RBAK: variants seen among roughly 807,000 people sequenced by gnomAD.
RBAK encodes RB associated KRAB zinc finger, also known as RB-associated KRAB zinc finger protein.
RBAK carries 39 observed loss-of-function variants against 65.8 expected under a neutral mutation model. The ratio of observed to expected loss-of-function variants is 0.59; its 90% CI spans 0.46 to 0.77. The LOEUF (loss-of-function observed/expected upper bound fraction) is 0.77, where lower values mean the gene tolerates loss of function less well. RBAK is among the 30% of genes least tolerant of loss of function. The probability of loss-of-function intolerance (pLI) is 0.00; values close to 1 mark genes in which losing one functional copy is unlikely to be tolerated. For missense variants in RBAK, 884 were observed against 855.1 expected (o/e 1.03, Z -0.42); for synonymous variants, 343 against 289.7 (o/e 1.18, Z -1.87).
In RBAK at chr7:5,052,436, CTTTG is replaced by C. The variant is rs1294354262; in HGVS notation, c.15+4351_15+4354del. ...TCTTCTTTGTTTCTTTTTAAAATGT[CTTTG>C]TTTGTCTTCCTTCCTCTTGATTAAT... On this transcript the variant is annotated intron_variant, in intron 2 of 4. Transcript: ENST00000396912. 3.3e-4 allele frequency among the ~76,000 whole-genome samples: 51 copies of C among 152,240 alleles called. No homozygotes were observed. The East Asian group carries it at 4.2e-3, about 13-fold the overall frequency.
Position 5,046,217 on chromosome 7 carries a change from G to A in RBAK, c.-224G>A. 2.0e-6 allele frequency: 1 copy of A among 499,486 alleles called. No homozygotes were observed. The highest frequency in any genetic ancestry group is 4.0e-6 in the Non-Finnish European group (1 of 252,000). The allele number at this position is 499,486 out of a possible 1,614,324, so 30.9% of individuals were successfully genotyped here. A position where few individuals can be genotyped will look rare whatever the true frequency, so the allele number is the denominator to read the frequency against. On this transcript the variant is annotated 5_prime_UTR_variant, in exon 1 of 5. Transcript: ENST00000396912. ...GGTGAGCCCGAGGGAGGCGGATCTG[G>A]GTCCCGGGAAGGACACCCGCCTGGA...
chr7:5,066,688 CTT>C lies in RBAK; in HGVS notation c.*1088_*1089del, dbSNP rs1472756646. 4 of 152,154 alleles carry C rather than the reference CTT, an allele frequency of 2.6e-5. No homozygotes were observed. The highest frequency in any genetic ancestry group is 4.4e-5 in the Non-Finnish European group (3 of 67,984). 9.4% of individuals were successfully genotyped at this position (152,154 alleles called of 1,614,324 possible). On this transcript the variant is annotated 3_prime_UTR_variant, in exon 5 of 5. Coordinates refer to ENST00000396912, the MANE Select transcript of RBAK (RefSeq NM_021163.4). ...TAGCAGATATTTTTTGATCAATTAACTTAATGTCCTCGCTCCATTTCTTGCTG... is the reference window on the plus strand; with the variant it reads ...TAGCAGATATTTTTTGATCAATTAACAATGTCCTCGCTCCATTTCTTGCTG...
rs113858201 is a variant in RBAK at position 5,051,969 on chromosome 7, A to C, written c.15+3878A>C. 9.9e-5 allele frequency among the ~76,000 whole-genome samples: 15 copies of C among 152,232 alleles called. No homozygotes were observed. In the East Asian group the frequency reaches 2.9e-3, roughly 29 times the overall value. ...GTTGATTGTGTGCCTACTTGTATCAATTGTTGGGGAGAGGGGATTGAAATC... is the reference window on the plus strand; with the variant it reads ...GTTGATTGTGTGCCTACTTGTATCACTTGTTGGGGAGAGGGGATTGAAATC... On this transcript the variant is annotated intron_variant, in intron 2 of 4. Coordinates refer to ENST00000396912, the MANE Select transcript of RBAK (RefSeq NM_021163.4).
rs182032140 is a variant in RBAK at position 5,051,237 on chromosome 7, G to A, written c.15+3146G>A. 1.1e-3 allele frequency among the ~76,000 whole-genome samples: 162 copies of A among 152,094 alleles called. 3 individuals carry two copies. The highest frequency in any genetic ancestry group is 0.01 in the Admixed American group (154 of 15,290). On this transcript the variant is annotated intron_variant, in intron 2 of 4. Transcript: ENST00000396912. The stretch of plus-strand genomic sequence containing the variant: ...TTTCAAATTTTCAGAAAAATTGCAC[G>A]GATTTTACAAAGAAATCCCAGCTAC...
At position 5,068,331 on chromosome 7, in the gene RBAK, T is replaced by C. The variant is rs1779270416; in HGVS notation, c.*2730T>C. Reference sequence around the variant, plus strand: ...GTGGCAGTCTGGATTTGGTCTGCACTCATAGTTTTCTGGTCCCTGATCTCG... The same window carrying C: ...GTGGCAGTCTGGATTTGGTCTGCACCCATAGTTTTCTGGTCCCTGATCTCG... On this transcript the variant is annotated 3_prime_UTR_variant, in exon 5 of 5. Coordinates refer to ENST00000396912, the MANE Select transcript of RBAK (RefSeq NM_021163.4). 6.6e-6 allele frequency: 1 copy of C among 152,100 alleles called. No homozygotes were observed. Among genetic ancestry groups the C allele is most frequent in the African/African-American group, 2.4e-5 (1 of 41,442 alleles). The allele number at this position is 152,100 out of a possible 1,614,324, so 9.4% of individuals were successfully genotyped here.
chr7:5,063,477 CTGTGTG>C lies in RBAK; in HGVS notation c.239-186_239-181del, dbSNP rs71535175. On this transcript the variant is annotated intron_variant, in intron 4 of 4. Transcript: ENST00000396912. ...CCACTGTCTCACCTTAATTCTTTCA[CTGTGTG>C]TGTGTGTGTGTGTGTGTGTGTGTGT... 3.5e-3 allele frequency among the ~76,000 whole-genome samples: 509 copies of C among 147,298 alleles called. 2 individuals carry two copies. Among genetic ancestry groups the C allele is most frequent in the African/African-American group, 4.0e-3 (161 of 39,842 alleles).
chr7:5,058,055 T>C (rs1396898578), intron 4 of RBAK, among the ~76,000 whole-genome samples: 4 of 129,106 alleles, frequency 3.1e-5, no homozygotes, highest in Non-Finnish European at 6.5e-5. Flanking sequence ...ATTACAGAAT[T>C]GTTTTGGGTT....
At chr7:5,052,395 C>A (rs1788135449) in intron 2 of RBAK, among the ~76,000 whole-genome samples, 1 of 152,090 alleles carries the variant, frequency 6.6e-6, no homozygotes, top group African/African-American at 2.4e-5. Context: ...ATTGCCTTTG[C>A]TTTCTTTTAG....
chr7:5,062,475 G>T (rs969075182), intron 4 of RBAK, among the ~76,000 whole-genome samples: 7 of 152,116 alleles, frequency 4.6e-5, no homozygotes, highest in Admixed American at 6.5e-5. Context: ...TACTTCACAA[G>T]GTAATAGAAT....
chr7:5,062,563 C>A (rs889148989), intron 4 of RBAK, among the ~76,000 whole-genome samples: 2 of 152,206 alleles, frequency 1.3e-5, no homozygotes, highest in Non-Finnish European at 2.9e-5. Flanking sequence ...AATGAAGTTT[C>A]AGGCACCATT....
In RBAK at chr7:5,065,462, A is replaced by G. The variant is rs962516918; in HGVS notation, c.2006A>G (p.His669Arg). ...VFSQKSYLTV[H>R]YRTHSGEKPY... ...TCTCAGAAGTCATACCTCACTGTACACTATAGAACTCATTCAGGAGAGAAA... is the reference window on the plus strand; with the variant it reads ...TCTCAGAAGTCATACCTCACTGTACGCTATAGAACTCATTCAGGAGAGAAA... The change falls in exon 5 of 5, where the codon CAC becomes CGC. Residue 669 changes from histidine to arginine, a missense_variant. Transcript: ENST00000396912. The surrounding 1 kb of genome is among the most constrained non-coding windows in gnomAD (Gnocchi z 5.3). 1.2e-6 allele frequency: 2 copies of G among 1,613,412 alleles called. No individual in the cohort carries two copies. The highest frequency in any genetic ancestry group is 1.7e-6 in the Non-Finnish European group (2 of 1,179,572).
At chr7:5,062,566 G>A (rs1483962672) in intron 4 of RBAK, among the ~76,000 whole-genome samples, 1 of 152,158 alleles carries the variant, frequency 6.6e-6, no homozygotes, top group Admixed American at 6.5e-5. Flanking sequence ...GAAGTTTCAG[G>A]CACCATTGTC....
chr7:5,052,626 A>G (rs1414330538), intron 2 of RBAK, among the ~76,000 whole-genome samples: 1 of 152,224 alleles, frequency 6.6e-6, no homozygotes, highest in Non-Finnish European at 1.5e-5. Context: ...GAAGCTTACA[A>G]TAGGATACTT....
At chr7:5,063,610 AC>A (rs1439275094) in intron 4 of RBAK, 84 bp from the exon 5 acceptor site, 1 of 1,107,284 alleles carries the variant, frequency 9.0e-7, no homozygotes, top group Non-Finnish European at 1.2e-6. Context: ...AGTCAACCCC[AC>A]AATGGGGGCT....
Position 5,067,516 on chromosome 7 carries a change from A to G in RBAK, c.*1915A>G, listed in dbSNP as rs985134347. 5 of 152,178 alleles carry G rather than the reference A, an allele frequency of 3.3e-5. No homozygotes were observed. The highest frequency in any genetic ancestry group is 7.4e-5 in the Non-Finnish European group (5 of 68,004). The allele number at this position is 152,178 out of a possible 1,614,324, so 9.4% of individuals were successfully genotyped here. A position where few individuals can be genotyped will look rare whatever the true frequency, so the allele number is the denominator to read the frequency against. ...AGGATTCCAGGACAATCTCAAAACT[A>G]TTGCTTTTTCCTAAATTCATTGCAA... On this transcript the variant is annotated 3_prime_UTR_variant, in exon 5 of 5. Coordinates refer to ENST00000396912, the MANE Select transcript of RBAK (RefSeq NM_021163.4).
Position 5,066,087 on chromosome 7 carries a change from A to G in RBAK, c.*486A>G, listed in dbSNP as rs1235059753. The G allele has an allele frequency of 6.5e-6, 1 of 152,708 alleles. No individual in the cohort carries two copies. The highest frequency in any genetic ancestry group is 1.5e-5 in the Non-Finnish European group (1 of 68,088). 9.5% of individuals were successfully genotyped at this position (152,708 alleles called of 1,614,324 possible). On this transcript the variant is annotated 3_prime_UTR_variant, in exon 5 of 5. Transcript: ENST00000396912. ...AGGAGTTGATCATGAGGACAGTAGC[A>G]TTAAATAAGTATATGGCCGTTTTTT... is the stretch of plus-strand genomic sequence containing the variant.
chr7:5,053,739 C>A (rs28770605), intron 2 of RBAK, among the ~76,000 whole-genome samples: 1 of 152,062 alleles, frequency 6.6e-6, no homozygotes, highest in Non-Finnish European at 1.5e-5. Flanking sequence ...TGCTGTTAAT[C>A]TTGTCCAGTA....
intron 3 of RBAK, 101 bp downstream of exon 3, chr7:5,057,522 A>C: frequency 1.2e-6 from 2 of 1,606,612 alleles, no homozygotes; most frequent in Non-Finnish European, 1.7e-6. Flanking sequence ...TGTGGGCACT[A>C]GCTGGAGTGT....
In RBAK at chr7:5,065,919, G is replaced by T. The variant is rs1185980117; in HGVS notation, c.*318G>T. 5.6e-6 allele frequency: 1 copy of T among 179,498 alleles called. No homozygotes were observed. Among genetic ancestry groups the T allele is most frequent in the Non-Finnish European group, 1.2e-5 (1 of 86,694 alleles). 11.1% of individuals were successfully genotyped at this position (179,498 alleles called of 1,614,324 possible). On this transcript the variant is annotated 3_prime_UTR_variant, in exon 5 of 5. Coordinates refer to ENST00000396912, the MANE Select transcript of RBAK (RefSeq NM_021163.4). This position sits in a 1 kb window ranked among gnomAD's most constrained non-coding sequence, Gnocchi z 5.3. ...TACAAAGGCAAAATCTGTCAATATG[G>T]TGAATGTGGAAAATATATTGTCTTG...
Sources: gnomAD v4.1 joint callset for allele counts (sites outside exome capture counted in the v4.1 genomes callset) on GRCh38, gnomAD v4.1.1 for gene constraint, Gnocchi (gnomAD v3.1) non-coding constraint, MANE v1.5 for transcripts, NCBI Gene and HGNC (gene_info 2026-07-23, HGNC 2026-07-21) for gene names.